Variants in PRIM2 observed in about 807,000 individuals in gnomAD.
PRIM2 encodes DNA primase subunit 2.
PRIM2 carries 39 observed loss-of-function variants against 67.3 expected under a neutral mutation model. The ratio of observed to expected loss-of-function variants is 0.58; its 90% CI spans 0.45 to 0.76. The LOEUF (loss-of-function observed/expected upper bound fraction) is 0.76. PRIM2 is among the 30% of genes least tolerant of loss of function. The pLI is 0.00. For synonymous variants in PRIM2, 143 were observed against 198.7 expected, an observed-to-expected ratio of 0.72 and a Z score of 2.36; for missense variants, 398 against 598.7, an observed-to-expected ratio of 0.66 and a Z score of 3.50.
the PRIM2 span, among the ~76,000 whole-genome samples, chr6:57,264,750 C>G: frequency 2.6e-5 from 4 of 152,222 alleles, no homozygotes; most frequent in Non-Finnish European, 4.4e-5. Context: ...GTGCGCCCCA[C>G]CAAGCCCAGT....
chr6:57,346,259 T>C (rs1768674696), intron 5 of PRIM2, among the ~76,000 whole-genome samples: 1 of 152,194 alleles, frequency 6.6e-6, no homozygotes, highest in South Asian at 2.1e-4. Context: ...TAGAGTCTTT[T>C]GGCAGTGTTA....
At chr6:57,302,644 C>T in the PRIM2 span, among the ~76,000 whole-genome samples, 2 of 152,126 alleles carry the variant, frequency 1.3e-5, no homozygotes, top group African/African-American at 2.4e-5. Context: ...TTCTAAACAA[C>T]CTTAAGCTAT....
intron 7 of PRIM2, among the ~76,000 whole-genome samples, chr6:57,420,032 C>A (rs1284051022): frequency 6.6e-6 from 1 of 152,170 alleles, no homozygotes; most frequent in African/African-American, 2.4e-5. Context: ...CAGAGACTTT[C>A]TGCCTTTGGT....
chr6:57,393,573 A>T (rs1770429604), intron 7 of PRIM2, among the ~76,000 whole-genome samples: 2 of 152,128 alleles, frequency 1.3e-5, no homozygotes, highest in South Asian at 4.1e-4. Flanking sequence ...CCTTTGTCAG[A>T]TGTATAGATT....
intron 12 of PRIM2, among the ~76,000 whole-genome samples, chr6:57,612,074 AT>A (rs1776676505): frequency 6.6e-6 from 1 of 152,188 alleles, no homozygotes; most frequent in African/African-American, 2.4e-5. Context: ...ATTTAAAAAA[AT>A]CTAGCAATAC....
At position 57,574,482 on chromosome 6, in the gene PRIM2, C is replaced by T. The variant is rs1214127746; in HGVS notation, c.1021-26611C>T. Among the ~76,000 whole-genome samples, 1,177 of 152,276 alleles carry T rather than the reference C, an allele frequency of 7.7e-3. 42 individuals are homozygous for T. Among genetic ancestry groups the T allele is most frequent in the Admixed American group, 0.059 (900 of 15,282 alleles). On this transcript the variant is annotated intron_variant, in intron 10 of 13. Transcript: ENST00000615550. ...CAACTCACGATCAGAACCTTCTACC[C>T]GGTAACAGTACTGAGAAAAATACTG... is the stretch of plus-strand genomic sequence containing the variant.
rs1310566085 is a variant in PRIM2, at chr6:57,575,841, C to A, written c.1021-25252C>A. Among the ~76,000 whole-genome samples, 45 of 152,118 alleles carry A rather than the reference C, an allele frequency of 3.0e-4. No homozygotes were observed. In the South Asian group the frequency reaches 9.1e-3, roughly 31 times the overall value. On this transcript the variant is annotated intron_variant, in intron 10 of 13. Transcript: ENST00000615550. ...TTGCCCAGGCTGTAGTGCAGTTGTGCGACCTAGACTCACTGCAACCTCCAC... is the reference window on the plus strand; with the variant it reads ...TTGCCCAGGCTGTAGTGCAGTTGTGAGACCTAGACTCACTGCAACCTCCAC...
At chr6:57,323,461 G>A (rs1024822147) in intron 3 of PRIM2, among the ~76,000 whole-genome samples, 3 of 151,964 alleles carry the variant, frequency 2.0e-5, no homozygotes, top group African/African-American at 7.3e-5. Flanking sequence ...AAAATAGTGC[G>A]GTCCAAACTC....
At chr6:57,532,363 A>T (rs1433709647) in intron 8 of PRIM2, 48 bp from the exon 9 acceptor site, 13 of 847,500 alleles carry the variant, frequency 1.5e-5, no homozygotes, top group Non-Finnish European at 1.9e-5. Flanking sequence ...GAAGGGATCA[A>T]AAGTATTTTA....
At chr6:57,644,376 C>A (rs1210898107) in intron 13 of PRIM2, among the ~76,000 whole-genome samples, 1 of 152,176 alleles carries the variant, frequency 6.6e-6, no homozygotes, top group Non-Finnish European at 1.5e-5. Context: ...TCTTACAAAG[C>A]CTTCCTTGAT....
intron 7 of PRIM2, among the ~76,000 whole-genome samples, chr6:57,475,403 T>G (rs1272585145): frequency 1.3e-5 from 2 of 152,272 alleles, no homozygotes; most frequent in South Asian, 2.1e-4. Flanking sequence ...ACTAATCTAC[T>G]TTCCCACTCC....
At chr6:57,641,398 T>G (rs1777230822) in intron 13 of PRIM2, among the ~76,000 whole-genome samples, 1 of 152,070 alleles carries the variant, frequency 6.6e-6, no homozygotes, top group African/African-American at 2.4e-5. Context: ...TGAGATCTAA[T>G]TAAACTAAAG....
intron 13 of PRIM2, among the ~76,000 whole-genome samples, chr6:57,640,170 C>T (rs1261547548): frequency 1.3e-5 from 2 of 152,070 alleles, no homozygotes; most frequent in East Asian, 1.9e-4. Flanking sequence ...AAAAGGCCTT[C>T]AACAAAATTC....
intron 8 of PRIM2, among the ~76,000 whole-genome samples, chr6:57,525,715 TGC>T: frequency 6.6e-6 from 1 of 152,344 alleles, no homozygotes; most frequent in South Asian, 2.1e-4. Context: ...CTGCACACAT[TGC>T]CTACCTTCTC....
intron 7 of PRIM2, among the ~76,000 whole-genome samples, chr6:57,431,324 T>A (rs1383361434): frequency 6.6e-6 from 1 of 152,102 alleles, no homozygotes; most frequent in Non-Finnish European, 1.5e-5. Flanking sequence ...GTGAACTACC[T>A]CAGTTCTGAT....
intron 7 of PRIM2, among the ~76,000 whole-genome samples, chr6:57,461,188 A>G (rs1772991603): frequency 6.6e-6 from 1 of 152,240 alleles, no homozygotes; most frequent in Non-Finnish European, 1.5e-5. Context: ...GGCAGCCAGC[A>G]AAACCTATTC....
chr6:57,446,570 T>C (rs72873596), intron 7 of PRIM2, among the ~76,000 whole-genome samples: 3 of 151,648 alleles, frequency 2.0e-5, no homozygotes, highest in African/African-American at 7.3e-5. Flanking sequence ...CCCGCCACCA[T>C]GCCTGGGGCT....
chr6:57,343,073 C>T (rs1768544217), intron 5 of PRIM2, among the ~76,000 whole-genome samples: 1 of 152,132 alleles, frequency 6.6e-6, no homozygotes, highest in African/African-American at 2.4e-5. Flanking sequence ...GGAGGCTTTT[C>T]TCCAGTTAAC....
chr6:57,271,132 G>A, the PRIM2 span, among the ~76,000 whole-genome samples: 1 of 152,178 alleles, frequency 6.6e-6, no homozygotes, highest in Non-Finnish European at 1.5e-5. Context: ...TCAGGATGAT[G>A]CTGGCCTCAT....
Sources: gnomAD v4.1 joint callset for allele counts (sites outside exome capture counted in the v4.1 genomes callset) on GRCh38, gnomAD v4.1.1 for gene constraint, MANE v1.5 for transcripts, NCBI Gene and HGNC (gene_info 2026-07-23, HGNC 2026-07-21) for gene names.